Variants in MTBP observed in about 807,000 individuals in gnomAD.
The protein encoded by MTBP is MDM2 binding protein, also known as mdm2-binding protein.
A neutral mutation model predicts 117.0 loss-of-function variants in MTBP; 101 were observed. The ratio of observed to expected loss-of-function variants is 0.86; its 90% CI spans 0.73 to 1.02. The LOEUF (loss-of-function observed/expected upper bound fraction) is 1.02. Ranked by LOEUF, MTBP falls within the 50% of genes least tolerant of loss-of-function variation. MTBP has a pLI of 0.00. For synonymous variants in MTBP, 350 were observed against 351.5 expected (o/e 1.00, Z 0.05); for missense variants, 970 against 1,030.9 (o/e 0.94, Z 0.81).
intron 10 of MTBP, among the ~76,000 whole-genome samples, chr8:120,466,227 T>G (rs1219196812): frequency 2.0e-5 from 3 of 150,236 alleles, no homozygotes; most frequent in Admixed American, 1.3e-4. Flanking sequence ...TTTTTTTTTT[T>G]TTTAGACGGA....
Position 120,451,261 on chromosome 8 carries a change from G to T in MTBP, c.364G>T (p.Gly122Cys), listed in dbSNP as rs1179977272. The change falls in exon 4 of 22, where the codon GGT becomes TGT. Residue 122 changes from glycine to cysteine, a missense_variant. Physicochemically the swap from Gly to Cys is radical, Grantham distance 159. Coordinates refer to ENST00000305949, the MANE Select transcript of MTBP (RefSeq NM_022045.5). ...TCAAACGAATATCGAAGAATGTTTG[G>T]GTGCTGTTGAGTGTTTTGAAGAAGA... ...VLQTNIEECL[G>C]AVECFEEEDS... 8.1e-6 allele frequency: 13 copies of T among 1,612,866 alleles called. No individual in the cohort carries two copies. The highest frequency in any genetic ancestry group is 1.1e-5 in the Non-Finnish European group (13 of 1,179,198).
At chr8:120,497,590 G>A in intron 14 of MTBP, 36 bp downstream of exon 14, 2 of 941,554 alleles carry the variant, frequency 2.1e-6, no homozygotes, top group Non-Finnish European at 3.2e-6. Context: ...TAGTTCGTGT[G>A]TGTGTGGCAA....
intron 6 of MTBP, 40 bp downstream of exon 6, chr8:120,455,619 T>C (rs755709035): frequency 6.3e-7 from 1 of 1,578,806 alleles, no homozygotes; most frequent in South Asian, 1.1e-5. Flanking sequence ...GTCTGCCTTG[T>C]CTGTTTTCAC....
chr8:120,470,789 A>C lies in MTBP; in HGVS notation c.1048-31A>C, dbSNP rs750032926. On this transcript the variant is annotated intron_variant, in intron 10 of 21. Coordinates refer to ENST00000305949, the MANE Select transcript of MTBP (RefSeq NM_022045.5). ...TATTCAAGAATGAATCTCAATGTGC[A>C]ATCAATAAAAATATGGTCTGTTTTA... is the stretch of plus-strand genomic sequence containing the variant. The C allele has an allele frequency of 3.5e-6, 5 of 1,435,048 alleles. No homozygotes were observed. The African/African-American group carries it at 7.1e-5, about 20-fold the overall frequency. 88.9% of individuals were successfully genotyped at this position (1,435,048 alleles called of 1,614,324 possible).
intron 11 of MTBP, among the ~76,000 whole-genome samples, chr8:120,475,502 AAT>A (rs555159943): frequency 6.6e-6 from 1 of 152,106 alleles, no homozygotes; most frequent in East Asian, 1.9e-4. Context: ...TGAAATAAAA[AAT>A]ATGTGTATTA....
At chr8:120,477,985 A>G (rs957632030) in intron 11 of MTBP, among the ~76,000 whole-genome samples, 2 of 152,376 alleles carry the variant, frequency 1.3e-5, no homozygotes, top group South Asian at 2.1e-4. Context: ...TCACAATAGC[A>G]AAGACTTGGA....
chr8:120,451,229 A>G lies in MTBP; in HGVS notation c.332A>G (p.Asp111Gly). 2 of 1,611,666 alleles carry G rather than the reference A, an allele frequency of 1.2e-6. No homozygotes were observed. Among genetic ancestry groups the G allele is most frequent in the South Asian group, 1.1e-5 (1 of 90,878 alleles). ...HFDTEKDKIE[D>G]VLQTNIEECL... ...GATACAGAAAAAGATAAAATTGAAG[A>G]TGTTCTTCAAACGAATATCGAAGAA... The change falls in exon 4 of 22, where the codon GAT becomes GGT. Residue 111 changes from aspartate to glycine, a missense_variant. Transcript: ENST00000305949.
chr8:120,446,101 T>C (rs774677703), intron 1 of MTBP, among the ~76,000 whole-genome samples: 5 of 152,370 alleles, frequency 3.3e-5, no homozygotes, highest in Non-Finnish European at 5.9e-5. Context: ...ATTTTATGTG[T>C]TCATTTGTTT....
chr8:120,457,271 T>C (rs140399112), intron 7 of MTBP, among the ~76,000 whole-genome samples: 1 of 152,324 alleles, frequency 6.6e-6, no homozygotes, highest in East Asian at 1.9e-4. Flanking sequence ...TCTCTTACTA[T>C]GAAAGAATGT....
At chr8:120,475,070 T>G (rs1001854451) in intron 11 of MTBP, among the ~76,000 whole-genome samples, 3 of 151,138 alleles carry the variant, frequency 2.0e-5, no homozygotes, top group Non-Finnish European at 4.5e-5. Context: ...AACAAAATCC[T>G]TTCCCTAATG....
chr8:120,477,146 T>C (rs777666478), intron 11 of MTBP, among the ~76,000 whole-genome samples: 10 of 152,100 alleles, frequency 6.6e-5, no homozygotes, highest in Non-Finnish European at 1.2e-4. Context: ...AAACAAACAA[T>C]GGGGAAAGGA....
In MTBP at chr8:120,457,766, T is replaced by C. The variant is rs1387431741; in HGVS notation, c.747+1096T>C. 2.0e-5 allele frequency among the ~76,000 whole-genome samples: 3 copies of C among 151,686 alleles called. No individual in the cohort carries two copies. In the East Asian group the frequency reaches 5.8e-4, roughly 29 times the overall value. On this transcript the variant is annotated intron_variant, in intron 7 of 21. Transcript: ENST00000305949. ...GGTAAAACCTCGTCTCTACTAAAAA[T>C]GTAAAAAATTAGCCGGGCGTGGTGG...
rs1390487402 is a variant in MTBP at position 120,469,187 on chromosome 8, A to T, written c.1048-1633A>T. Among the ~76,000 whole-genome samples the T allele has an allele frequency of 2.6e-5, 4 of 152,240 alleles. No individual in the cohort carries two copies. In the East Asian group the frequency reaches 5.8e-4, roughly 22 times the overall value. ...CAGCCTCCCAAGTATCTGGGACTAC[A>T]GGCGTATGCCACCATGCCTGGCTAA... On this transcript the variant is annotated intron_variant, in intron 10 of 21. Coordinates refer to ENST00000305949, the MANE Select transcript of MTBP (RefSeq NM_022045.5).
intron 12 of MTBP, 152 bp from the exon 13 acceptor site, chr8:120,490,311 A>G (rs1814316644): frequency 3.7e-6 from 2 of 538,230 alleles, no homozygotes. Context: ...TATTATTATT[A>G]TTTACTTTGA....
intron 12 of MTBP, among the ~76,000 whole-genome samples, chr8:120,489,848 A>G (rs545732224): frequency 6.6e-6 from 1 of 152,224 alleles, no homozygotes; most frequent in African/African-American, 2.4e-5. Context: ...TCTATATTTC[A>G]GGGGCCATGT....
At chr8:120,445,916 A>G (rs1813215493) in intron 1 of MTBP, among the ~76,000 whole-genome samples, 1 of 152,204 alleles carries the variant, frequency 6.6e-6, no homozygotes, top group African/African-American at 2.4e-5. Flanking sequence ...TCACATGCAA[A>G]TAATACGGAA....
chr8:120,520,457 A>G (rs953638037), intron 20 of MTBP, among the ~76,000 whole-genome samples: 5 of 152,166 alleles, frequency 3.3e-5, no homozygotes, highest in African/African-American at 1.2e-4. Flanking sequence ...TGAATTTTGT[A>G]TTTTTTGAAC....
intron 8 of MTBP, among the ~76,000 whole-genome samples, chr8:120,460,156 A>G (rs539271034): frequency 1.3e-5 from 2 of 152,210 alleles, no homozygotes; most frequent in South Asian, 2.1e-4. Flanking sequence ...ATTTCTCAAT[A>G]TTTGTTTAGA....
chr8:120,518,897 T>A lies in MTBP; in HGVS notation c.2610+80T>A, dbSNP rs1267433190. 5 of 912,588 alleles carry A rather than the reference T, an allele frequency of 5.5e-6. No homozygotes were observed. In the African/African-American group the frequency reaches 8.5e-5, roughly 16 times the overall value. 56.5% of individuals were successfully genotyped at this position (912,588 alleles called of 1,614,324 possible). A position where few individuals can be genotyped will look rare whatever the true frequency, so the allele number is the denominator to read the frequency against. On this transcript the variant is annotated intron_variant, in intron 20 of 21. Transcript: ENST00000305949. ...TTTGACATAAAAAAAAGTTTGAGTA[T>A]TTTTTATACTGAGAGCGTATACTTG...
Sources: allele counts gnomAD v4.1 joint callset (sites outside exome capture counted in the v4.1 genomes callset), GRCh38; gene constraint gnomAD v4.1.1; transcripts MANE v1.5; gene names NCBI Gene and HGNC (gene_info 2026-07-23, HGNC 2026-07-21).